The following SMCHD1 variants were observed in gnomAD, a reference collection of about 807,000 sequenced individuals.
SMCHD1 encodes the protein structural maintenance of chromosomes flexible hinge domain-containing protein 1.
Under a neutral mutation model 254.7 loss-of-function variants are expected in SMCHD1, and 78 were observed. That is an observed-to-expected ratio of 0.31 (90% CI 0.26 to 0.37). The LOEUF is 0.37. Ranked by LOEUF, SMCHD1 falls within the 10% of genes least tolerant of loss-of-function variation. The pLI is 1.00. For synonymous variants in SMCHD1, 766 were observed against 794.9 expected, an observed-to-expected ratio of 0.96 and a Z score of 0.61; for missense variants, 1,840 against 2,408.1, an observed-to-expected ratio of 0.76 and a Z score of 4.94.
rs773483736 is a variant in SMCHD1 at position 2,675,262 on chromosome 18, C to A, written c.638+1117C>A. ...ATTACTTCTCATTCCTGACCTCAGC[C>A]TTTTTTTTTTTTTTTTTTTGGAGAC... On this transcript the variant is annotated intron_variant, in intron 5 of 47. Transcript: ENST00000320876. 4.6e-3 allele frequency among the ~76,000 whole-genome samples: 595 copies of A among 129,664 alleles called. 3 individuals carry two copies. The highest frequency in any genetic ancestry group is 7.6e-3 in the Non-Finnish European group (466 of 61,714). The allele number at this position is 129,664 out of a possible 152,430, so 85.1% of individuals were successfully genotyped here. A position where few individuals can be genotyped will look rare whatever the true frequency, so the allele number is the denominator to read the frequency against.
intron 22 of SMCHD1, chr18:2,726,970 G>A (rs2075038712): frequency 1.3e-5 from 2 of 153,288 alleles, no homozygotes; most frequent in African/African-American, 4.8e-5. Flanking sequence ...TTGAGAGGTA[G>A]TCTATGGTAG....
In SMCHD1 at chr18:2,762,012, T is replaced by G. The variant is rs112454637; in HGVS notation, c.4435-93T>G. The G allele has an allele frequency of 2.3e-4, 222 of 952,152 alleles. No homozygotes were observed. The African/African-American group carries it at 3.3e-3, about 14-fold the overall frequency. The allele number at this position is 952,152 out of a possible 1,614,324, so 59.0% of individuals were successfully genotyped here. A position where few individuals can be genotyped will look rare whatever the true frequency, so the allele number is the denominator to read the frequency against. ...AATTTTAGAAGGTAACATTTAATTTTATTTAGTATGTGCCATTGTTATGTC... is the reference window on the plus strand; with the variant it reads ...AATTTTAGAAGGTAACATTTAATTTGATTTAGTATGTGCCATTGTTATGTC... On this transcript the variant is annotated intron_variant, in intron 35 of 47. Transcript: ENST00000320876.
At chr18:2,795,506 T>G (rs1459050140) in intron 45 of SMCHD1, among the ~76,000 whole-genome samples, 1 of 152,234 alleles carries the variant, frequency 6.6e-6, no homozygotes, top group Non-Finnish European at 1.5e-5. Context: ...CACTTACACA[T>G]CTTTTTATTA....
intron 45 of SMCHD1, among the ~76,000 whole-genome samples, chr18:2,785,678 A>C (rs1038394638): frequency 1.5e-5 from 2 of 134,664 alleles, no homozygotes; most frequent in Non-Finnish European, 3.2e-5. Context: ...AAAACAGTTC[A>C]TTGGTGTTAA....
In SMCHD1 at chr18:2,706,440, T is replaced by C; in HGVS notation, c.2033T>C (p.Val678Ala). 6.3e-6 allele frequency: 10 copies of C among 1,590,006 alleles called. No individual in the cohort carries two copies. Among genetic ancestry groups the C allele is most frequent in the Non-Finnish European group, 8.6e-6 (10 of 1,167,560 alleles). ...KLDRTVAEKA[V>A]KKYVEDEMAR... ...GATAGGACAGTTGCTGAGAAAGCTG[T>C]TAAAAAATATGTAGAAGATGAAATG... Residue 678 changes from valine to alanine, a missense_variant, in exon 15 of 48, where the codon GTT becomes GCT. Physicochemically the swap from Val to Ala is moderately conservative, Grantham distance 64. This residue lies in a region of SMCHD1 where 498 missense variants were observed against 743.5 expected (regional missense o/e 0.67). Transcript: ENST00000320876.
intron 23 of SMCHD1, 185 bp downstream of exon 23, chr18:2,728,781 C>A: frequency 1.9e-6 from 1 of 520,082 alleles, no homozygotes; most frequent in Non-Finnish European, 3.2e-6. Context: ...ATAAAGATGC[C>A]AACTGTGCCC....
intron 40 of SMCHD1, among the ~76,000 whole-genome samples, chr18:2,772,032 G>A (rs539020724): frequency 6.6e-6 from 1 of 152,006 alleles, no homozygotes; most frequent in African/African-American, 2.4e-5. Flanking sequence ...TTTAAATTCA[G>A]TGAAGTGGGA....
At chr18:2,715,846 A>G (rs531843200) in intron 17 of SMCHD1, among the ~76,000 whole-genome samples, 1 of 152,340 alleles carries the variant, frequency 6.6e-6, no homozygotes, top group South Asian at 2.1e-4. Context: ...GCAAGACCAC[A>G]TCTCAAGAAA....
At chr18:2,662,175 A>G (rs187307242) in intron 1 of SMCHD1, among the ~76,000 whole-genome samples, 7 of 98,966 alleles carry the variant, frequency 7.1e-5, no homozygotes, top group Admixed American at 4.8e-4. Flanking sequence ...CAAAAAAAAA[A>G]AAATAAAATA....
At chr18:2,708,262 GTAT>G (rs1377752021) in intron 17 of SMCHD1, among the ~76,000 whole-genome samples, 1 of 152,066 alleles carries the variant, frequency 6.6e-6, no homozygotes, top group African/African-American at 2.4e-5. Flanking sequence ...ATTGATTACA[GTAT>G]TATTAGTCAT....
intron 34 of SMCHD1, among the ~76,000 whole-genome samples, chr18:2,754,267 G>A (rs995698562): frequency 6.6e-6 from 1 of 152,026 alleles, no homozygotes; most frequent in Non-Finnish European, 1.5e-5. Context: ...TTATTGTGTT[G>A]GGGGTTCCCA....
intron 41 of SMCHD1, among the ~76,000 whole-genome samples, chr18:2,773,225 A>G (rs2076012808): frequency 6.6e-6 from 1 of 152,212 alleles, no homozygotes; most frequent in African/African-American, 2.4e-5. Flanking sequence ...TTAAATATAA[A>G]TTTATGTATT....
Position 2,777,740 on chromosome 18 carries a change from A to T in SMCHD1, c.5367-66A>T. 8.5e-6 allele frequency: 7 copies of T among 826,464 alleles called. No individual in the cohort carries two copies. The South Asian group carries it at 1.4e-4, about 16-fold the overall frequency. The allele number at this position is 826,464 out of a possible 1,614,324, so 51.2% of individuals were successfully genotyped here. A position where few individuals can be genotyped will look rare whatever the true frequency, so the allele number is the denominator to read the frequency against. On this transcript the variant is annotated intron_variant, in intron 42 of 47. Coordinates refer to ENST00000320876, the MANE Select transcript of SMCHD1 (RefSeq NM_015295.3). Reference sequence around the variant, plus strand: ...TGTGCAATATATTCATGTTTTCCATATTGTCTTTTTTTAAATTTAAAAAGT... The same window carrying T: ...TGTGCAATATATTCATGTTTTCCATTTTGTCTTTTTTTAAATTTAAAAAGT...
intron 45 of SMCHD1, among the ~76,000 whole-genome samples, chr18:2,794,488 A>G (rs887463786): frequency 2.6e-5 from 4 of 152,322 alleles, no homozygotes; most frequent in African/African-American, 4.8e-5. Context: ...TCTGGGTGAC[A>G]GAGTGAGACC....
intron 12 of SMCHD1, among the ~76,000 whole-genome samples, chr18:2,701,966 T>G (rs2074410996): frequency 6.6e-6 from 1 of 152,050 alleles, no homozygotes; most frequent in Non-Finnish European, 1.5e-5. Flanking sequence ...TTAGGACACT[T>G]TTAAGAATTA....
rs144250316 is a variant in SMCHD1, at chr18:2,677,520, A to G, written c.638+3375A>G. ...CAGTAGTTTGAGTTAAAATTGTGCA[A>G]CCATCACCACTAATTCCAGAATATT... On this transcript the variant is annotated intron_variant, in intron 5 of 47. Transcript: ENST00000320876. 4.1e-3 allele frequency among the ~76,000 whole-genome samples: 628 copies of G among 152,344 alleles called. 3 individuals carry two copies. The highest frequency in any genetic ancestry group is 0.015 in the African/African-American group (607 of 41,586).
rs1245115142 is a variant in SMCHD1, at chr18:2,729,416, T to G, written c.3048+7T>G. 6.7e-7 allele frequency: 1 copy of G among 1,502,622 alleles called. No individual in the cohort carries two copies. Among genetic ancestry groups the G allele is most frequent in the Non-Finnish European group, 8.9e-7 (1 of 1,127,484 alleles). 93.1% of individuals were successfully genotyped at this position (1,502,622 alleles called of 1,614,324 possible). On this transcript the variant is annotated splice_region_variant and intron_variant, in intron 24 of 47. Transcript: ENST00000320876. ...AGCAAGAATTGAAATACCTGTAAGTTATTATTGTTACTCATTGATATTATA... is the reference window on the plus strand; with the variant it reads ...AGCAAGAATTGAAATACCTGTAAGTGATTATTGTTACTCATTGATATTATA...
At position 2,675,826 on chromosome 18, in the gene SMCHD1, A is replaced by G. The variant is rs192753990; in HGVS notation, c.638+1681A>G. 2.7e-3 allele frequency among the ~76,000 whole-genome samples: 415 copies of G among 152,294 alleles called. 1 individual carries two copies. The highest frequency in any genetic ancestry group is 0.01 in the Middle Eastern group (3 of 294). The stretch of plus-strand genomic sequence containing the variant: ...CTGAATTCATGGGACATTGACTCTG[A>G]TTTCTCTCTAGTTCTTAGAACAAAA... On this transcript the variant is annotated intron_variant, in intron 5 of 47. Coordinates refer to ENST00000320876, the MANE Select transcript of SMCHD1 (RefSeq NM_015295.3).
intron 39 of SMCHD1, 73 bp downstream of exon 39, chr18:2,770,181 A>G: frequency 1.4e-6 from 2 of 1,457,668 alleles, no homozygotes; most frequent in Non-Finnish European, 1.8e-6. Flanking sequence ...GTGATACACA[A>G]ACAAGCTTCC....
Sources: allele counts gnomAD v4.1 joint callset (sites outside exome capture counted in the v4.1 genomes callset), GRCh38; gene constraint gnomAD v4.1.1; regional missense constraint gnomAD v4.1.1; transcripts MANE v1.5; gene names NCBI Gene and HGNC (gene_info 2026-07-23, HGNC 2026-07-21).